The following CAP2 variants were observed in gnomAD, a reference collection of about 807,000 sequenced individuals.
CAP2 encodes the protein adenylyl cyclase-associated protein 2.
In CAP2, 24 loss-of-function variants were observed where a neutral mutation model predicts 57.7. That is an observed-to-expected ratio of 0.42 (90% CI 0.30 to 0.58). The LOEUF (loss-of-function observed/expected upper bound fraction) is 0.58. Among genes scored for constraint, CAP2 ranks in the 20% least tolerant of loss-of-function variants. CAP2 has a pLI of 0.22. For synonymous variants in CAP2, 194 were observed against 207.2 expected, an observed-to-expected ratio of 0.94 and a Z score of 0.55; for missense variants, 501 against 590.3, an observed-to-expected ratio of 0.85 and a Z score of 1.57.
At chr6:17,498,572 T>A (rs1761724144) in intron 4 of CAP2, among the ~76,000 whole-genome samples, 1 of 152,156 alleles carries the variant, frequency 6.6e-6, no homozygotes, top group East Asian at 1.9e-4. Flanking sequence ...GCTCCAGATC[T>A]CTTCCTTTCT....
rs757645288 is a variant in CAP2 at position 17,513,889 on chromosome 6, A to G, written c.571A>G (p.Ile191Val). Residue 191 changes from isoleucine (I) to valine (V), a missense_variant, in exon 7 of 13, where the codon ATT becomes GTT. By Grantham distance (29) the Ile-to-Val change is conservative. Transcript: ENST00000229922. The surrounding 1 kb of genome is among the most constrained non-coding windows in gnomAD (Gnocchi z 4.3). ...HVDWVKSYLN[I>V]WSELQAYIKE... Reference sequence around the variant, plus strand: ...GGATTGGGTGAAGTCATATTTGAACATTTGGAGTGAACTTCAAGCATACAT... The same window carrying G: ...GGATTGGGTGAAGTCATATTTGAACGTTTGGAGTGAACTTCAAGCATACAT... 1.9e-6 allele frequency: 3 copies of G among 1,613,828 alleles called. No homozygotes were observed. Among genetic ancestry groups the G allele is most frequent in the Non-Finnish European group, 2.5e-6 (3 of 1,179,800 alleles).
chr6:17,453,786 A>G (rs1243561841), intron 3 of CAP2, among the ~76,000 whole-genome samples: 1 of 152,120 alleles, frequency 6.6e-6, no homozygotes, highest in Non-Finnish European at 1.5e-5. Flanking sequence ...TTTGTCCACC[A>G]ATCTTGGGAA....
chr6:17,494,409 A>G (rs918447133), intron 4 of CAP2, among the ~76,000 whole-genome samples: 1 of 151,508 alleles, frequency 6.6e-6, no homozygotes, highest in Non-Finnish European at 1.5e-5. Context: ...GCACATTCCT[A>G]CCTCATGATC....
At chr6:17,462,028 CA>C (rs896414361) in intron 3 of CAP2, among the ~76,000 whole-genome samples, 1 of 89,430 alleles carries the variant, frequency 1.1e-5, no homozygotes, top group Non-Finnish European at 2.6e-5. Context: ...AAAAAATTAA[CA>C]TAACAAAAAA....
Position 17,410,658 on chromosome 6 carries a change from C to T in CAP2, c.-1-10897C>T, listed in dbSNP as rs148441053. ...CTGCAAGGTCTGCCTTCCAGGTTCA[C>T]GCCATTTTCCTGCCTCAACCTCCCG... On this transcript the variant is annotated intron_variant, in intron 1 of 12. Transcript: ENST00000229922. 2.8e-3 allele frequency among the ~76,000 whole-genome samples: 430 copies of T among 151,878 alleles called. 1 individual carries two copies. Among genetic ancestry groups the T allele is most frequent in the African/African-American group, 8.8e-3 (365 of 41,416 alleles).
intron 4 of CAP2, among the ~76,000 whole-genome samples, chr6:17,495,274 G>T (rs1399466391): frequency 6.6e-6 from 1 of 152,092 alleles, no homozygotes; most frequent in African/African-American, 2.4e-5. Flanking sequence ...ACCAGCTCTG[G>T]CACATAAAAG....
At chr6:17,420,384 A>G (rs1375981502) in intron 1 of CAP2, among the ~76,000 whole-genome samples, 1 of 152,258 alleles carries the variant, frequency 6.6e-6, no homozygotes, top group Non-Finnish European at 1.5e-5. Context: ...ATAATTTAAA[A>G]TAATTCAGCA....
chr6:17,536,350 C>A, intron 7 of CAP2: 1 of 452,288 alleles, frequency 2.2e-6, no homozygotes, highest in South Asian at 1.6e-5. Context: ...CGGTAAAGCA[C>A]CTGAATGCTA....
chr6:17,402,907 A>C (rs1198444140), intron 1 of CAP2, among the ~76,000 whole-genome samples: 1 of 152,158 alleles, frequency 6.6e-6, no homozygotes, highest in African/African-American at 2.4e-5. Flanking sequence ...TTTTCCTTAC[A>C]TTGACAATTA....
chr6:17,487,214 C>G (rs1761440042), intron 4 of CAP2, among the ~76,000 whole-genome samples: 1 of 152,302 alleles, frequency 6.6e-6, no homozygotes, highest in Non-Finnish European at 1.5e-5. Context: ...CTTCTCCCAT[C>G]CCCCTTGCTG....
chr6:17,536,657 C>T (rs1762781628), intron 7 of CAP2, among the ~76,000 whole-genome samples: 1 of 152,136 alleles, frequency 6.6e-6, no homozygotes, highest in Non-Finnish European at 1.5e-5. Context: ...GCTAGGGAAC[C>T]ATCTAAATCA....
At chr6:17,458,854 A>T (rs1324492762) in intron 3 of CAP2, among the ~76,000 whole-genome samples, 1 of 150,988 alleles carries the variant, frequency 6.6e-6, no homozygotes, top group African/African-American at 2.5e-5. Flanking sequence ...AATAAAACCG[A>T]ATCACAGAAT....
chr6:17,498,625 GC>G (rs1198869449), intron 4 of CAP2, among the ~76,000 whole-genome samples: 3 of 152,050 alleles, frequency 2.0e-5, no homozygotes, highest in Non-Finnish European at 4.4e-5. Context: ...ATGATCCTGG[GC>G]CCCCATTAAA....
chr6:17,393,705 G>A lies in CAP2; in HGVS notation c.-43G>A, dbSNP rs1324919549. 1 of 152,298 alleles carries A rather than the reference G, an allele frequency of 6.6e-6. No homozygotes were observed. Among genetic ancestry groups the A allele is most frequent in the Non-Finnish European group, 1.5e-5 (1 of 68,180 alleles). 9.4% of individuals were successfully genotyped at this position (152,298 alleles called of 1,614,324 possible). On this transcript the variant is annotated 5_prime_UTR_variant, in exon 1 of 13. Coordinates refer to ENST00000229922, the MANE Select transcript of CAP2 (RefSeq NM_006366.3). ...AGGAGGGTACGAGTGGCCGACCACG[G>A]ATTTGCATTGCCGAGGACGGGACCC...
chr6:17,423,352 G>GT (rs1424054082), intron 2 of CAP2, among the ~76,000 whole-genome samples: 1 of 152,182 alleles, frequency 6.6e-6, no homozygotes, highest in African/African-American at 2.4e-5. Context: ...CCAGGAGCCT[G>GT]TAAGTTTTTT....
At chr6:17,410,898 C>T (rs1453918495) in intron 1 of CAP2, among the ~76,000 whole-genome samples, 1 of 152,150 alleles carries the variant, frequency 6.6e-6, no homozygotes, top group Non-Finnish European at 1.5e-5. Flanking sequence ...CAAAGAGGCA[C>T]AATCCTTTTT....
At chr6:17,524,444 T>C (rs927122662) in intron 7 of CAP2, among the ~76,000 whole-genome samples, 2 of 152,140 alleles carry the variant, frequency 1.3e-5, no homozygotes, top group Admixed American at 6.6e-5. Context: ...GTTCTTGGCT[T>C]TGCCCAGGCG....
In CAP2 at chr6:17,539,428, C is replaced by T; in HGVS notation, c.796C>T (p.Gln266Ter). 1 of 1,614,066 alleles carries T rather than the reference C, an allele frequency of 6.2e-7. No homozygotes were observed. The highest frequency in any genetic ancestry group is 1.1e-5 in the South Asian group (1 of 91,078). ...TCCTTCACGCTCAGCTTTATTTGCC[C>T]AACTTAACCAGGGAGAAGCAATTAC... ...SSPSRSALFA[Q>*]LNQGEAITKG... Residue 266 changes from glutamine to a stop codon, truncating the protein, a stop_gained, in exon 8 of 13, where the codon CAA (glutamine) becomes TAA (stop). Coordinates refer to ENST00000229922, the MANE Select transcript of CAP2 (RefSeq NM_006366.3). LOFTEE classifies it high-confidence loss of function.
chr6:17,531,607 A>G, intron 7 of CAP2: 1 of 1,458,688 alleles, frequency 6.9e-7, no homozygotes, highest in Admixed American at 1.7e-5. Context: ...GCACAGCAGG[A>G]ACCTTCTTCT....
Sources: gnomAD v4.1 joint callset for allele counts (sites outside exome capture counted in the v4.1 genomes callset) on GRCh38, gnomAD v4.1.1 for gene constraint, Gnocchi (gnomAD v3.1) non-coding constraint, MANE v1.5 for transcripts, NCBI Gene and HGNC (gene_info 2026-07-23, HGNC 2026-07-21) for gene names.